The following UTS2B variants were observed in gnomAD, a reference collection of about 807,000 sequenced individuals.
UTS2B encodes the protein urotensin 2B.
A neutral mutation model predicts 19.2 loss-of-function variants in UTS2B; 21 were observed. The observed-to-expected ratio is 1.09, with a 90% confidence interval of 0.78 to 1.58. The LOEUF (loss-of-function observed/expected upper bound fraction) is 1.58, where lower values mean the gene tolerates loss of function less well. UTS2B is among the 40% of genes most tolerant of loss of function. UTS2B has a pLI of 0.00. For synonymous variants in UTS2B, 57 were observed against 50.2 expected (o/e 1.14, Z -0.58); for missense variants, 138 against 130.3 (o/e 1.06, Z -0.29).
At chr3:191,277,978 T>C in intron 6 of UTS2B, 94 bp downstream of exon 6, 1 of 639,552 alleles carries the variant, frequency 1.6e-6, no homozygotes, top group Non-Finnish European at 2.6e-6. Flanking sequence ...AATTATTTCA[T>C]TTAATATAAA....
At chr3:191,343,661 G>T in the UTS2B span, among the ~76,000 whole-genome samples, 1 of 152,100 alleles carries the variant, frequency 6.6e-6, no homozygotes, top group Non-Finnish European at 1.5e-5. Context: ...TTTAAAGAAG[G>T]TACAGGAGAC....
chr3:191,345,026 A>G, the UTS2B span, among the ~76,000 whole-genome samples: 10 of 152,220 alleles, frequency 6.6e-5, no homozygotes, highest in Non-Finnish European at 1.2e-4. Flanking sequence ...GGGAATAGAA[A>G]GACAGAGCCC....
chr3:191,296,835 C>A (rs915079388), intron 4 of UTS2B, among the ~76,000 whole-genome samples: 47 of 152,134 alleles, frequency 3.1e-4, no homozygotes, highest in African/African-American at 1.1e-3. Flanking sequence ...CAAGAGAAAT[C>A]CAAGGCTGGC....
intron 5 of UTS2B, among the ~76,000 whole-genome samples, chr3:191,281,090 T>A (rs1207556701): frequency 6.6e-6 from 1 of 152,162 alleles, no homozygotes; most frequent in Admixed American, 6.5e-5. Flanking sequence ...GGTAACAAGG[T>A]CTGGTAAAAT....
At chr3:191,288,634 A>G (rs1164762062) in intron 4 of UTS2B, among the ~76,000 whole-genome samples, 1 of 152,142 alleles carries the variant, frequency 6.6e-6, no homozygotes, top group East Asian at 1.9e-4. Context: ...AAAGTAGATT[A>G]AAGACTTAAG....
intron 2 of UTS2B, among the ~76,000 whole-genome samples, chr3:191,323,196 GA>G (rs1717656200): frequency 6.6e-6 from 1 of 151,736 alleles, no homozygotes; most frequent in African/African-American, 2.4e-5. Flanking sequence ...GCCCAGGCTA[GA>G]GTGCAGTGGA....
In UTS2B at chr3:191,304,487, C is replaced by T. The variant is rs1717085851; in HGVS notation, c.-125+5G>A. On this transcript the variant is annotated splice_donor_5th_base_variant and intron_variant, in intron 4 of 8. Coordinates refer to ENST00000340524, the MANE Select transcript of UTS2B (RefSeq NM_198152.5). ...TCCTTTCCCAGGTACATTTCTCCTA[C>T]TCACCATTCTCTCGTGCTATTTCCT... 1.3e-5 allele frequency: 2 copies of T among 152,202 alleles called. No homozygotes were observed. Among genetic ancestry groups the T allele is most frequent in the Non-Finnish European group, 2.9e-5 (2 of 68,044 alleles). 9.4% of individuals were successfully genotyped at this position (152,202 alleles called of 1,614,324 possible).
At chr3:191,343,765 C>T in the UTS2B span, among the ~76,000 whole-genome samples, 3 of 152,092 alleles carry the variant, frequency 2.0e-5, no homozygotes, top group African/African-American at 4.8e-5. Context: ...AATCAGAATC[C>T]AGGGTACTTC....
At chr3:191,272,122 T>C (rs574894342) in intron 8 of UTS2B, among the ~76,000 whole-genome samples, 59 of 152,370 alleles carry the variant, frequency 3.9e-4, no homozygotes, top group African/African-American at 1.3e-3. Flanking sequence ...ATGGTCAACA[T>C]ATGTAAGACC....
At chr3:191,309,390 G>A (rs1283347571) in intron 3 of UTS2B, among the ~76,000 whole-genome samples, 1 of 151,448 alleles carries the variant, frequency 6.6e-6, no homozygotes, top group Non-Finnish European at 1.5e-5. Flanking sequence ...AGCCAGGACG[G>A]TCTCGATCTC....
chr3:191,268,201 C>CA lies in UTS2B; in HGVS notation c.*214_*215insT, dbSNP rs1715992579. On this transcript the variant is annotated 3_prime_UTR_variant, in exon 9 of 9. Transcript: ENST00000340524. ...GACTGCACGTCCATTCATAGGCTCT[C>CA]TACAGGGGGAAGCAAGTGCTGTTGG... 2.4e-6 allele frequency: 1 copy of CA among 425,480 alleles called. No homozygotes were observed. The highest frequency in any genetic ancestry group is 4.4e-6 in the Non-Finnish European group (1 of 229,576). The allele number at this position is 425,480 out of a possible 1,614,324, so 26.4% of individuals were successfully genotyped here.
the UTS2B span, among the ~76,000 whole-genome samples, chr3:191,343,005 C>CT: frequency 6.6e-6 from 1 of 152,140 alleles, no homozygotes; most frequent in African/African-American, 2.4e-5. Flanking sequence ...TGGGTTTGAA[C>CT]TGTGTGGGTC....
At chr3:191,296,988 CA>C (rs1716873515) in intron 4 of UTS2B, among the ~76,000 whole-genome samples, 2 of 152,080 alleles carry the variant, frequency 1.3e-5, no homozygotes, top group East Asian at 3.9e-4. Context: ...ATAGAACAGG[CA>C]ATAAACTGTA....
chr3:191,312,515 T>C (rs1717331749), intron 3 of UTS2B, among the ~76,000 whole-genome samples: 1 of 149,018 alleles, frequency 6.7e-6, no homozygotes, highest in South Asian at 2.1e-4. Context: ...TCAGTTTACT[T>C]TTTTTTTGCA....
chr3:191,273,069 G>A (rs1178567518), intron 8 of UTS2B, among the ~76,000 whole-genome samples: 2 of 152,178 alleles, frequency 1.3e-5, no homozygotes, highest in Non-Finnish European at 1.5e-5. Flanking sequence ...TCGGGAGGCT[G>A]AGGCAGGTGA....
At chr3:191,343,443 A>G in the UTS2B span, among the ~76,000 whole-genome samples, 3 of 152,222 alleles carry the variant, frequency 2.0e-5, no homozygotes, top group Admixed American at 2.0e-4. Context: ...TAAGAGTTTA[A>G]TCTTTCTCTA....
intron 3 of UTS2B, among the ~76,000 whole-genome samples, chr3:191,312,409 G>T (rs879297287): frequency 5.3e-5 from 8 of 152,140 alleles, no homozygotes; most frequent in South Asian, 2.1e-4. Flanking sequence ...TTTTCTTCTG[G>T]CAAGTGGACA....
intron 2 of UTS2B, among the ~76,000 whole-genome samples, chr3:191,325,621 G>T (rs755172857): frequency 6.6e-6 from 1 of 152,208 alleles, no homozygotes; most frequent in East Asian, 1.9e-4. Context: ...AATGCTTCAA[G>T]GCCTGGAGTA....
chr3:191,305,011 T>C (rs1165811424), intron 3 of UTS2B, among the ~76,000 whole-genome samples: 2 of 152,222 alleles, frequency 1.3e-5, no homozygotes, highest in Non-Finnish European at 2.9e-5. Flanking sequence ...GATCTTGTTC[T>C]TTTTCATGGC....
Sources: allele counts gnomAD v4.1 joint callset (sites outside exome capture counted in the v4.1 genomes callset), GRCh38; gene constraint gnomAD v4.1.1; transcripts MANE v1.5; gene names NCBI Gene and HGNC (gene_info 2026-07-23, HGNC 2026-07-21).